The following IL1RAPL2 variants were observed in gnomAD, a reference collection of about 807,000 sequenced individuals.
IL1RAPL2 encodes interleukin 1 receptor accessory protein like 2, also known as X-linked interleukin-1 receptor accessory protein-like 2.
In IL1RAPL2, 3 loss-of-function variants were observed where a neutral mutation model predicts 44.1. The observed-to-expected ratio is 0.07, with a 90% CI of 0.03 to 0.18. IL1RAPL2 has a LOEUF of 0.18. Ranked by LOEUF, IL1RAPL2 falls within the 10% of genes least tolerant of loss-of-function variation. IL1RAPL2 has a pLI of 1.00. For synonymous variants in IL1RAPL2, 181 were observed against 178.8 expected (o/e 1.01, Z -0.10); for missense variants, 391 against 496.4 (o/e 0.79, Z 2.02).
chrX:104,616,262 A>G (rs1929276468), intron 1 of IL1RAPL2, among the ~76,000 whole-genome samples: 1 of 111,798 alleles, frequency 8.9e-6, no homozygotes, highest in South Asian at 3.8e-4. Flanking sequence ...TAATTATGAA[A>G]CTGCCTTTGC....
At chrX:104,746,162 C>T (rs1602708078) in intron 2 of IL1RAPL2, among the ~76,000 whole-genome samples, 1 of 111,680 alleles carries the variant, frequency 9.0e-6, no homozygotes, top group East Asian at 2.8e-4. Context: ...TCTTTTAGTT[C>T]ATTCTCTTAA....
intron 6 of IL1RAPL2, among the ~76,000 whole-genome samples, chrX:105,693,094 G>A (rs1397603721): frequency 2.7e-5 from 3 of 111,406 alleles, no homozygotes; most frequent in Non-Finnish European, 5.6e-5. Context: ...CCTTAAAAGG[G>A]TAGCGTATTC....
chrX:104,929,740 T>C (rs1242384338), intron 2 of IL1RAPL2, among the ~76,000 whole-genome samples: 1 of 111,552 alleles, frequency 9.0e-6, no homozygotes, highest in Admixed American at 9.6e-5. Context: ...CCAGATCTGC[T>C]TGGTATCTCC....
chrX:104,681,796 C>T (rs1930895292), intron 2 of IL1RAPL2, among the ~76,000 whole-genome samples: 1 of 112,611 alleles, frequency 8.9e-6, no homozygotes, highest in South Asian at 3.6e-4. Flanking sequence ...GGCATGGACT[C>T]TTTTGCTGAT....
chrX:105,090,200 C>A (rs1326026398), intron 2 of IL1RAPL2, among the ~76,000 whole-genome samples: 1 of 111,053 alleles, frequency 9.0e-6, no homozygotes, highest in East Asian at 2.8e-4. Flanking sequence ...ATACAGTTGT[C>A]CCTCAGTATC....
chrX:105,274,117 C>T (rs997584827), intron 5 of IL1RAPL2, among the ~76,000 whole-genome samples: 1 of 112,121 alleles, frequency 8.9e-6, no homozygotes, highest in Non-Finnish European at 1.9e-5. Context: ...TATCATTCCA[C>T]TATAATATCC....
At chrX:105,177,026 G>A (rs2033480505) in intron 2 of IL1RAPL2, among the ~76,000 whole-genome samples, 1 of 111,131 alleles carries the variant, frequency 9.0e-6, no homozygotes, top group Non-Finnish European at 1.9e-5. Flanking sequence ...GTATAGCAGG[G>A]GTCTTCAACC....
At chrX:105,046,198 G>A (rs1033361718) in intron 2 of IL1RAPL2, among the ~76,000 whole-genome samples, 2 of 111,219 alleles carry the variant, frequency 1.8e-5, no homozygotes, top group African/African-American at 6.6e-5. Context: ...TTTCTACTTT[G>A]GATATTGCAT....
At chrX:104,583,416 C>T (rs1033122241) in intron 1 of IL1RAPL2, among the ~76,000 whole-genome samples, 6 of 111,325 alleles carry the variant, frequency 5.4e-5, no homozygotes, top group Admixed American at 3.8e-4. Flanking sequence ...GCCTCAAGCC[C>T]AGACTTACGC....
At chrX:105,103,619 G>A (rs915713481) in intron 2 of IL1RAPL2, among the ~76,000 whole-genome samples, 2 of 112,070 alleles carry the variant, frequency 1.8e-5, no homozygotes, top group Non-Finnish European at 3.8e-5. Context: ...AAGTATATAT[G>A]TGTGGGCTTC....
intron 2 of IL1RAPL2, among the ~76,000 whole-genome samples, chrX:104,855,681 G>GTTTTTTTTTTTTT (rs1556002120): frequency 1.9e-5 from 1 of 53,878 alleles, no homozygotes; most frequent in African/African-American, 6.1e-5. Context: ...ATCTGGATCC[G>GTTTTTTTTTTTTT]TTTTTTTTTT....
intron 6 of IL1RAPL2, among the ~76,000 whole-genome samples, chrX:105,695,426 ATTAGCCTATGGACTTTTTCCTACG>A (rs2038069120): frequency 8.9e-6 from 1 of 111,953 alleles, no homozygotes; most frequent in Non-Finnish European, 1.9e-5. Flanking sequence ...GCTAGATGAT[ATTAGCCTATGGACTTTTTCCTACG>A]GTAGGAAATC....
At chrX:105,347,741 G>T (rs1355364317) in intron 5 of IL1RAPL2, among the ~76,000 whole-genome samples, 2 of 110,795 alleles carry the variant, frequency 1.8e-5, no homozygotes, top group Admixed American at 1.9e-4. Context: ...GTGGGAAGAG[G>T]TTAGCCTGTG....
At chrX:104,951,810 G>A (rs1443611847) in intron 2 of IL1RAPL2, among the ~76,000 whole-genome samples, 3 of 112,495 alleles carry the variant, frequency 2.7e-5, no homozygotes, top group Non-Finnish European at 5.6e-5. Context: ...ATAGGAAAGT[G>A]CATGTGCCTG....
At chrX:104,839,551 T>C (rs944826600) in intron 2 of IL1RAPL2, among the ~76,000 whole-genome samples, 1 of 111,917 alleles carries the variant, frequency 8.9e-6, no homozygotes, top group Admixed American at 9.5e-5. Context: ...AAATTTTCTT[T>C]TTTTGTTGTG....
intron 2 of IL1RAPL2, among the ~76,000 whole-genome samples, chrX:105,001,619 A>G (rs1171620167): frequency 9.0e-6 from 1 of 111,683 alleles, no homozygotes; most frequent in African/African-American, 3.2e-5. Context: ...GCTCAAATCA[A>G]ACAGACTCAA....
chrX:105,011,648 C>A (rs1181917831), intron 2 of IL1RAPL2, among the ~76,000 whole-genome samples: 1 of 111,133 alleles, frequency 9.0e-6, no homozygotes, highest in African/African-American at 3.3e-5. Context: ...TACTTCGTTC[C>A]TTTTTATAGT....
chrX:105,692,014 T>C, intron 6 of IL1RAPL2, among the ~76,000 whole-genome samples: 1 of 112,029 alleles, frequency 8.9e-6, no homozygotes, highest in Non-Finnish European at 1.9e-5. Flanking sequence ...TATTTTTTTC[T>C]ACAAATAGAA....
chrX:105,664,741 T>C (rs1477614189), intron 6 of IL1RAPL2, among the ~76,000 whole-genome samples: 2 of 111,667 alleles, frequency 1.8e-5, no homozygotes, highest in Admixed American at 9.5e-5. Context: ...TACAATACTC[T>C]GTGGAAAAGA....
Sources: allele counts gnomAD v4.1 joint callset (sites outside exome capture counted in the v4.1 genomes callset), GRCh38; gene constraint gnomAD v4.1.1; transcripts MANE v1.5; gene names NCBI Gene and HGNC (gene_info 2026-07-23, HGNC 2026-07-21).